DNAJC16: variants seen among roughly 807,000 people sequenced by gnomAD.
The protein encoded by DNAJC16 is DnaJ heat shock protein family (Hsp40) member C16, also known as dnaJ homolog subfamily C member 16.
In DNAJC16, 76 loss-of-function variants were observed where a neutral mutation model predicts 92.7. The ratio of observed to expected loss-of-function variants is 0.82; its 90% CI spans 0.68 to 0.99. The LOEUF (loss-of-function observed/expected upper bound fraction) is 0.99, where lower values mean the gene tolerates loss of function less well. Among genes scored for constraint, DNAJC16 ranks in the 50% least tolerant of loss-of-function variants. The pLI, the probability that DNAJC16 is intolerant of heterozygous loss-of-function variation, is 0.00. For synonymous variants in DNAJC16, 328 were observed against 358.7 expected (o/e 0.91, Z 0.97); for missense variants, 869 against 942.4 (o/e 0.92, Z 1.02).
intron 6 of DNAJC16, 111 bp downstream of exon 6, chr1:15,546,982 T>C: frequency 2.4e-6 from 2 of 849,982 alleles, no homozygotes; most frequent in Admixed American, 2.9e-5. Context: ...TTTGTCTTTT[T>C]TGTAAGAAAC....
chr1:15,549,982 CAT>C (rs1247217178), intron 7 of DNAJC16, among the ~76,000 whole-genome samples: 2 of 152,070 alleles, frequency 1.3e-5, no homozygotes, highest in East Asian at 1.9e-4. Context: ...AGGAAAAAAA[CAT>C]AGTTTGTATA....
At chr1:15,565,719 GCTGT>G (rs1447403320) in intron 11 of DNAJC16, 196 bp from the exon 12 acceptor site, 2 of 605,692 alleles carry the variant, frequency 3.3e-6, no homozygotes, top group Non-Finnish European at 5.9e-6. Context: ...TTTAGAATAA[GCTGT>G]CTGTGAATTA....
chr1:15,563,374 C>A (rs570452316), intron 9 of DNAJC16, among the ~76,000 whole-genome samples: 12 of 151,242 alleles, frequency 7.9e-5, no homozygotes, highest in Admixed American at 6.6e-4. Context: ...ACTAAAAATA[C>A]AAAAATTAGC....
rs780926970 is a variant in DNAJC16, at chr1:15,536,615, T to C, written c.375T>C (p.Phe125=). 10 of 1,614,186 alleles carry C rather than the reference T, an allele frequency of 6.2e-6. No individual in the cohort carries two copies. In the South Asian group the frequency reaches 1.1e-4, roughly 18 times the overall value. ...AAAATTTTTATTTTGATGAATCCTT[T>C]TTTCACTTCCCTTTTAATTCTGAAC... The part of the protein sequence containing the change: ...FHENFYFDES[F]FHFPFNSERR... The change falls in exon 4 of 15, where the codon TTT becomes TTC. Residue 125 remains phenylalanine, a synonymous_variant. Transcript: ENST00000375847.
intron 2 of DNAJC16, among the ~76,000 whole-genome samples, 192 bp from the exon 3 acceptor site, chr1:15,534,045 A>T (rs894586141): frequency 1.3e-5 from 2 of 152,186 alleles, no homozygotes; most frequent in Non-Finnish European, 2.9e-5. Flanking sequence ...TTGGGAAAAA[A>T]TAGCCTGTTT....
intron 4 of DNAJC16, among the ~76,000 whole-genome samples, chr1:15,537,942 C>G (rs1189029744): frequency 6.6e-6 from 1 of 152,212 alleles, no homozygotes; most frequent in Non-Finnish European, 1.5e-5. Flanking sequence ...CCTCAATCAT[C>G]TCAGCACATT....
At chr1:15,563,847 CAAA>C (rs71002909) in intron 9 of DNAJC16, 79 bp from the exon 10 acceptor site, 12,381 of 1,081,332 alleles carry the variant, frequency 0.011, no homozygotes, top group East Asian at 0.024. Context: ...AAGACTCCGT[CAAA>C]AAAAAAAAAA....
rs1290783149 is a variant in DNAJC16, at chr1:15,568,404, T to TC, written c.*231dup. The TC allele has an allele frequency of 7.7e-5, 42 of 545,952 alleles. No homozygotes were observed. In the East Asian group the frequency reaches 1.2e-3, roughly 16 times the overall value. 33.8% of individuals were successfully genotyped at this position (545,952 alleles called of 1,614,324 possible). The stretch of plus-strand genomic sequence containing the variant: ...AATCTTTTCCTCTGGGTGTTATTTT[T>TC]CCCCACTGAATGCCACACCATTGAA... On this transcript the variant is annotated 3_prime_UTR_variant, in exon 15 of 15. Transcript: ENST00000375847.
At chr1:15,531,566 A>G (rs911401736) in intron 2 of DNAJC16, among the ~76,000 whole-genome samples, 1 of 152,266 alleles carries the variant, frequency 6.6e-6, no homozygotes, top group Admixed American at 6.5e-5. Context: ...TTTTAAGAAC[A>G]CAAGTGACAG....
rs772896520 is a variant in DNAJC16, at chr1:15,559,647, G to A, written c.1145G>A (p.Arg382Gln). ...HELCPVKRSH[R>Q]QRKYCVVLLT... ...CTCTGCCCTGTGAAACGGTCGCATC[G>A]ACAGAGGAAGTAAGGACTTAAGGCT... Residue 382 changes from arginine (R) to glutamine (Q), a missense_variant, in exon 8 of 15, where the codon CGA becomes CAA. Transcript: ENST00000375847. 1.6e-5 allele frequency: 26 copies of A among 1,613,860 alleles called. No individual in the cohort carries two copies. Among genetic ancestry groups the A allele is most frequent in the South Asian group, 2.2e-5 (2 of 91,062 alleles).
chr1:15,553,923 G>C (rs1266485199), intron 7 of DNAJC16, among the ~76,000 whole-genome samples: 6 of 151,978 alleles, frequency 3.9e-5, no homozygotes, highest in African/African-American at 1.5e-4. Flanking sequence ...AAATTGCATG[G>C]CCAGGCACAG....
intron 7 of DNAJC16, among the ~76,000 whole-genome samples, chr1:15,551,773 A>G (rs1432461657): frequency 6.6e-6 from 1 of 151,844 alleles, no homozygotes; most frequent in African/African-American, 2.4e-5. Flanking sequence ...ACCACTGGCT[A>G]ATTTTTTTAA....
At chr1:15,534,166 G>A (rs1420970335) in intron 2 of DNAJC16, 71 bp from the exon 3 acceptor site, 2 of 1,533,528 alleles carry the variant, frequency 1.3e-6, no homozygotes, top group East Asian at 2.3e-5. Flanking sequence ...TGAACTCTGT[G>A]GACAAGGACA....
intron 3 of DNAJC16, among the ~76,000 whole-genome samples, chr1:15,535,618 C>G (rs1022074337): frequency 2.0e-5 from 3 of 152,052 alleles, no homozygotes; most frequent in African/African-American, 4.8e-5. Context: ...GCTGATGGTC[C>G]TAGCTACTCA....
At chr1:15,545,557 G>A (rs1638282740) in intron 5 of DNAJC16, among the ~76,000 whole-genome samples, 1 of 152,192 alleles carries the variant, frequency 6.6e-6, no homozygotes, top group African/African-American at 2.4e-5. Flanking sequence ...AGGCTTCCTG[G>A]CAGAAGTGAC....
At chr1:15,531,546 T>C (rs748262832) in intron 2 of DNAJC16, among the ~76,000 whole-genome samples, 3 of 152,222 alleles carry the variant, frequency 2.0e-5, no homozygotes, top group Non-Finnish European at 2.9e-5. Flanking sequence ...AGGCATAGCC[T>C]TTGACAATAT....
At chr1:15,531,104 A>G (rs1710650350) in intron 2 of DNAJC16, among the ~76,000 whole-genome samples, 1 of 152,100 alleles carries the variant, frequency 6.6e-6, no homozygotes, top group African/African-American at 2.4e-5. Flanking sequence ...TTGTTTTTTA[A>G]TCATTTACAC....
intron 9 of DNAJC16, among the ~76,000 whole-genome samples, chr1:15,563,502 C>G (rs895600107): frequency 1.3e-5 from 2 of 150,938 alleles, no homozygotes; most frequent in Non-Finnish European, 2.9e-5. Flanking sequence ...GCACTCCAGC[C>G]TGGGAGACAA....
chr1:15,548,213 T>A, intron 6 of DNAJC16, 57 bp from the exon 7 acceptor site: 1 of 1,574,108 alleles, frequency 6.4e-7, no homozygotes, highest in Non-Finnish European at 8.7e-7. Context: ...CTACTTGATT[T>A]GTCATTTACA....
Sources: allele counts gnomAD v4.1 joint callset (sites outside exome capture counted in the v4.1 genomes callset), GRCh38; gene constraint gnomAD v4.1.1; transcripts MANE v1.5; gene names NCBI Gene and HGNC (gene_info 2026-07-23, HGNC 2026-07-21).